Variants in C12orf71 observed in about 807,000 individuals in gnomAD.
C12orf71 encodes uncharacterized protein C12orf71.
Under a neutral mutation model 11.7 loss-of-function variants are expected in C12orf71, and 10 were observed. That is an observed-to-expected ratio of 0.86 (90% CI 0.53 to 1.45). The LOEUF is 1.45. Among genes scored for constraint, C12orf71 ranks in the 40% most tolerant of loss-of-function variants. The pLI, the probability that C12orf71 is intolerant of heterozygous loss-of-function variation, is 0.00. For missense variants in C12orf71, 293 were observed against 325.8 expected (o/e 0.90, Z 0.78); for synonymous variants, 110 against 123.4 (o/e 0.89, Z 0.72).
chr12:27,081,257 G>T lies in C12orf71; in HGVS notation c.727C>A (p.Arg243=). The change falls in exon 2 of 2, where the codon CGG becomes AGG. Residue 243 remains arginine (R), a synonymous_variant. Coordinates refer to ENST00000429849, the MANE Select transcript of C12orf71 (RefSeq NM_001080406.2). The stretch of plus-strand genomic sequence containing the variant: ...AAGAGTCTTTTCGTTGGTGCTGACC[G>T]ATGGGGACTTTTGGTGGCATTCACA... ...HPVNATKSPH[R]SAPTKRLFHR... 1 of 1,613,936 alleles carries T rather than the reference G, an allele frequency of 6.2e-7. No individual in the cohort carries two copies. The highest frequency in any genetic ancestry group is 1.1e-5 in the South Asian group (1 of 91,078).
Position 27,081,244 on chromosome 12 carries a change from G to A in C12orf71, c.740C>T (p.Thr247Met), listed in dbSNP as rs1378129832. The change falls in exon 2 of 2, where the codon ACG (threonine) becomes ATG (methionine). Residue 247 changes from threonine to methionine, a missense_variant. Physicochemically the swap from Thr to Met is moderately conservative, Grantham distance 81. Transcript: ENST00000429849. ...CTTGCCTCTGTGAAAGAGTCTTTTCGTTGGTGCTGACCGATGGGGACTTTT... is the reference window on the plus strand; with the variant it reads ...CTTGCCTCTGTGAAAGAGTCTTTTCATTGGTGCTGACCGATGGGGACTTTT... ...ATKSPHRSAPTKRLFHRGKRI... is the reference protein window; with the variant it reads ...ATKSPHRSAPMKRLFHRGKRI... The A allele has an allele frequency of 4.3e-6, 7 of 1,613,896 alleles. No individual in the cohort carries two copies. The highest frequency in any genetic ancestry group is 2.2e-5 in the South Asian group (2 of 91,080).
At position 27,081,432 on chromosome 12, in the gene C12orf71, G is replaced by A. The variant is rs539887044; in HGVS notation, c.552C>T (p.Ser184=). 2.6e-4 allele frequency: 423 copies of A among 1,612,448 alleles called. 9 individuals carry two copies. The South Asian group carries it at 4.0e-3, about 15-fold the overall frequency. ...ACAGGATTGAGGAGATCTCTGGAGCGCTTGTCCTTTGGCTGGCGGTTGCCT... is the reference window on the plus strand; with the variant it reads ...ACAGGATTGAGGAGATCTCTGGAGCACTTGTCCTTTGGCTGGCGGTTGCCT... ...ISQATASQRT[S]APEISSILSE... The change falls in exon 2 of 2, where the codon AGC becomes AGT. Residue 184 remains serine (S), a synonymous_variant. Coordinates refer to ENST00000429849, the MANE Select transcript of C12orf71 (RefSeq NM_001080406.2).
Position 27,081,447 on chromosome 12 carries a change from G to C in C12orf71, c.537C>G (p.Ala179=), listed in dbSNP as rs1019602182. 2.4e-5 allele frequency: 38 copies of C among 1,609,722 alleles called. 1 individual carries two copies. In the Admixed American group the frequency reaches 5.4e-4, roughly 23 times the overall value. ...TCTCTGGAGCGCTTGTCCTTTGGCTGGCGGTTGCCTGGCTTATCATCTGCC... is the reference window on the plus strand; with the variant it reads ...TCTCTGGAGCGCTTGTCCTTTGGCTCGCGGTTGCCTGGCTTATCATCTGCC... ...EMVQMISQAT[A]SQRTSAPEIS... Residue 179 remains alanine (A), a synonymous_variant, in exon 2 of 2, where the codon GCC becomes GCG. Coordinates refer to ENST00000429849, the MANE Select transcript of C12orf71 (RefSeq NM_001080406.2).
At chr12:27,083,274 A>C (rs1372360257), upstream of C12orf71, among the ~76,000 whole-genome samples, 1 of 152,212 alleles carries the variant, frequency 6.6e-6, no homozygotes, top group Non-Finnish European at 1.5e-5. Context: ...AGTGAAGGGC[A>C]GAAGAGGCAG....
Position 27,082,052 on chromosome 12 carries a change from A to G in C12orf71, c.432T>C (p.Asn144=), listed in dbSNP as rs1591805169. 1.1e-5 allele frequency: 18 copies of G among 1,602,364 alleles called. No homozygotes were observed. The highest frequency in any genetic ancestry group is 1.5e-5 in the Non-Finnish European group (18 of 1,173,592). The change falls in exon 1 of 2, where the codon AAT becomes AAC. Residue 144 remains asparagine (N), a synonymous_variant. Transcript: ENST00000429849. ...LVQEFQIFLE[N]LKDDDAVFPE... ...GAAATACAGCGTCATCATCTTTCAG[A>G]TTTTCTAGAAATATCTGAAACTCTT...
rs1232148349 is a variant in C12orf71 at position 27,082,456 on chromosome 12, T to C, written c.28A>G (p.Ile10Val). Residue 10 changes from isoleucine (I) to valine (V), a missense_variant, in exon 1 of 2, where the codon ATA becomes GTA. By Grantham distance (29) the Ile-to-Val change is conservative. Transcript: ENST00000429849. Reference sequence around the variant, plus strand: ...TTGGATTTGGAGCTGTCGTCCTCTATGTCGCTGTTAGAGGATGAATATGCC... The same window carrying C: ...TTGGATTTGGAGCTGTCGTCCTCTACGTCGCTGTTAGAGGATGAATATGCC... The part of the protein sequence containing the change: MAYSSSNSD[I>V]EDDSSKSNSN... The C allele has an allele frequency of 1.3e-6, 2 of 1,509,666 alleles. No individual in the cohort carries two copies. The highest frequency in any genetic ancestry group is 2.8e-5 in the African/African-American group (2 of 71,510). 93.5% of individuals were successfully genotyped at this position (1,509,666 alleles called of 1,614,324 possible). A position where few individuals can be genotyped will look rare whatever the true frequency, so the allele number is the denominator to read the frequency against.
upstream of C12orf71, among the ~76,000 whole-genome samples, chr12:27,083,004 G>C (rs1471744943): frequency 1.3e-5 from 2 of 151,462 alleles, no homozygotes; most frequent in African/African-American, 4.9e-5. Context: ...TCAGTGGTGT[G>C]ATGTCAGCTC....
intron 1 of C12orf71, 101 bp from the exon 2 acceptor site, chr12:27,081,568 G>A: frequency 3.3e-6 from 4 of 1,209,026 alleles, no homozygotes; most frequent in Non-Finnish European, 4.7e-6. Flanking sequence ...ACCAAAAATA[G>A]CCCAAGTGTC....
rs759193005 is a variant in C12orf71, at chr12:27,081,319, T to C, written c.665A>G (p.Gln222Arg). The C allele has an allele frequency of 2.5e-6, 4 of 1,613,916 alleles. No homozygotes were observed. Among genetic ancestry groups the C allele is most frequent in the African/African-American group, 2.7e-5 (2 of 74,934 alleles). Residue 222 changes from glutamine (Q) to arginine (R), a missense_variant, in exon 2 of 2, where the codon CAG (glutamine) becomes CGG (arginine). Transcript: ENST00000429849. Reference protein sequence around the residue: ...NFGWAFSWLRQRILPSLLRRD... With the variant: ...NFGWAFSWLRRRILPSLLRRD... ...CCTCAGCAGAGAGGGGAGGATACGC[T>C]GCCTCAGCCAGCTGAAGGCCCACCC...
In C12orf71 at chr12:27,082,190, G is replaced by A. The variant is rs777316548; in HGVS notation, c.294C>T (p.Ser98=). ...TATTAGCTCTTGAGTCTGTGTTATC[G>A]GAGCCAATGTCCACGTCCCAGGCCA... ...IFLAWDVDIG[S]DNTDSRANRL... The change falls in exon 1 of 2, where the codon TCC becomes TCT. Residue 98 remains serine, a synonymous_variant. Transcript: ENST00000429849. The A allele has an allele frequency of 5.0e-5, 80 of 1,613,700 alleles. No individual in the cohort carries two copies. The East Asian group carries it at 5.6e-4, about 11-fold the overall frequency.
In C12orf71 at chr12:27,081,115, T is replaced by A. The variant is rs1591804767; in HGVS notation, c.*59A>T. On this transcript the variant is annotated 3_prime_UTR_variant, in exon 2 of 2. Transcript: ENST00000429849. ...GAGGAAAAAACAAACTGATGGGGAT[T>A]ATTAATGGAATCCTTATTATGGATT... The A allele has an allele frequency of 6.0e-6, 8 of 1,322,536 alleles. No individual in the cohort carries two copies. The highest frequency in any genetic ancestry group is 5.9e-5 in the African/African-American group (4 of 68,148). The allele number at this position is 1,322,536 out of a possible 1,614,324, so 81.9% of individuals were successfully genotyped here. A position where few individuals can be genotyped will look rare whatever the true frequency, so the allele number is the denominator to read the frequency against.
intron 1 of C12orf71, 184 bp downstream of exon 1, chr12:27,081,784 T>G: frequency 1.3e-6 from 1 of 749,340 alleles, no homozygotes; most frequent in Non-Finnish European, 2.3e-6. Flanking sequence ...CTCCTAGTGG[T>G]CATAAGATTC....
upstream of C12orf71, among the ~76,000 whole-genome samples, chr12:27,083,714 A>G (rs1941955457): frequency 6.6e-6 from 1 of 152,210 alleles, no homozygotes; most frequent in South Asian, 2.1e-4. Context: ...ATAAATCTGT[A>G]ATAAACCCGC....
In C12orf71 at chr12:27,081,267, T is replaced by C. The variant is rs708165; in HGVS notation, c.717A>G (p.Lys239=). 0.41 allele frequency: 668,128 copies of C among 1,613,472 alleles called. 148,662 individuals are homozygous for C. The highest frequency in any genetic ancestry group is 0.47 in the Non-Finnish European group (553,041 of 1,179,598). ...TCGTTGGTGCTGACCGATGGGGACT[T>C]TTGGTGGCATTCACAGGGTGATCCC... ...LRRDHPVNAT[K]SPHRSAPTKR... Residue 239 remains lysine (K), a synonymous_variant, in exon 2 of 2, where the codon AAA becomes AAG. Transcript: ENST00000429849.
Position 27,081,383 on chromosome 12 carries a change from T to C in C12orf71, c.601A>G (p.Thr201Ala), listed in dbSNP as rs1941931124. ...ILSEQPEKDD[T>A]PSHTQAQCCL... is the part of the protein sequence containing the mutation. ...CACTGGGCCTGTGTGTGTGAAGGAG[T>C]GTCATCCTTCTCTGGCTGCTCTGAC... The change falls in exon 2 of 2, where the codon ACT becomes GCT. Residue 201 changes from threonine to alanine, a missense_variant. Thr to Ala is a moderately conservative substitution (Grantham distance 58). Coordinates refer to ENST00000429849, the MANE Select transcript of C12orf71 (RefSeq NM_001080406.2). 2.5e-6 allele frequency: 4 copies of C among 1,613,502 alleles called. No individual in the cohort carries two copies. The highest frequency in any genetic ancestry group is 2.2e-5 in the East Asian group (1 of 44,870).
rs1401643482 is a variant in C12orf71, at chr12:27,081,412, A to G, written c.572T>C (p.Ile191Thr). ...QRTSAPEISS[I>T]LSEQPEKDDT... ...ATCCTTCTCTGGCTGCTCTGACAGGATTGAGGAGATCTCTGGAGCGCTTGT... is the reference window on the plus strand; with the variant it reads ...ATCCTTCTCTGGCTGCTCTGACAGGGTTGAGGAGATCTCTGGAGCGCTTGT... Residue 191 changes from isoleucine to threonine, a missense_variant, in exon 2 of 2, where the codon ATC (isoleucine) becomes ACC (threonine). Ile to Thr is a moderately conservative substitution (Grantham distance 89). Coordinates refer to ENST00000429849, the MANE Select transcript of C12orf71 (RefSeq NM_001080406.2). 1 of 1,613,932 alleles carries G rather than the reference A, an allele frequency of 6.2e-7. No individual in the cohort carries two copies. Among genetic ancestry groups the G allele is most frequent in the Admixed American group, 1.7e-5 (1 of 60,022 alleles).
Position 27,082,360 on chromosome 12 carries a change from C to T in C12orf71, c.124G>A (p.Glu42Lys), listed in dbSNP as rs1460968954. 1 of 1,596,128 alleles carries T rather than the reference C, an allele frequency of 6.3e-7. No homozygotes were observed. The highest frequency in any genetic ancestry group is 8.5e-7 in the Non-Finnish European group (1 of 1,172,470). ...GAAGGACCCTTGGAAGGTGCATCTTCCCAGGAGGTTGTGTCCTCACAGGGG... is the reference window on the plus strand; with the variant it reads ...GAAGGACCCTTGGAAGGTGCATCTTTCCAGGAGGTTGTGTCCTCACAGGGG... ...DTPCEDTTSW[E>K]DAPSKGPSIH... The change falls in exon 1 of 2, where the codon GAA becomes AAA. Residue 42 changes from glutamate to lysine, a missense_variant. By Grantham distance (56) the Glu-to-Lys change is moderately conservative. Transcript: ENST00000429849.
chr12:27,082,401 A>G lies in C12orf71; in HGVS notation c.83T>C (p.Phe28Ser), dbSNP rs756994243. Residue 28 changes from phenylalanine (F) to serine (S), a missense_variant, in exon 1 of 2, where the codon TTC becomes TCC. Phe to Ser is a radical substitution (Grantham distance 155). Coordinates refer to ENST00000429849, the MANE Select transcript of C12orf71 (RefSeq NM_001080406.2). ...CTCACAGGGGGTGTCCTCACAGGGG[A>G]AATAGCCCACAGAGAGGCTCAGGTT... ...NSNLSLSVGYFPCEDTPCEDT... is the reference protein window; with the variant it reads ...NSNLSLSVGYSPCEDTPCEDT... The G allele has an allele frequency of 1.9e-5, 29 of 1,557,104 alleles. No homozygotes were observed. The highest frequency in any genetic ancestry group is 2.5e-5 in the Non-Finnish European group (29 of 1,155,684).
chr12:27,081,327 C>G lies in C12orf71; in HGVS notation c.657G>C (p.Trp219Cys), dbSNP rs1407042017. The part of the protein sequence containing the change: ...CCLNFGWAFS[W>C]LRQRILPSLL... ...GAGAGGGGAGGATACGCTGCCTCAG[C>G]CAGCTGAAGGCCCACCCAAAGTTCA... Residue 219 changes from tryptophan to cysteine, a missense_variant, in exon 2 of 2, where the codon TGG (tryptophan) becomes TGC (cysteine). Trp to Cys is a radical substitution (Grantham distance 215). Transcript: ENST00000429849. 6.2e-7 allele frequency: 1 copy of G among 1,614,012 alleles called. No individual in the cohort carries two copies. The highest frequency in any genetic ancestry group is 1.1e-5 in the South Asian group (1 of 91,076).
Sources: allele counts gnomAD v4.1 joint callset (sites outside exome capture counted in the v4.1 genomes callset), GRCh38; gene constraint gnomAD v4.1.1; transcripts MANE v1.5; gene names NCBI Gene and HGNC (gene_info 2026-07-23, HGNC 2026-07-21).